The following XRCC5 variants were observed in gnomAD, a reference collection of about 807,000 sequenced individuals.
XRCC5 encodes DNA repair protein Ku80.
XRCC5 carries 12 observed loss-of-function variants against 95.7 expected under a neutral mutation model. The ratio of observed to expected loss-of-function variants is 0.13; its 90% CI spans 0.08 to 0.20. The LOEUF is 0.20. Ranked by LOEUF, XRCC5 falls within the 10% of genes least tolerant of loss-of-function variation. The pLI, the probability that XRCC5 is intolerant of heterozygous loss-of-function variation, is 1.00. For synonymous variants in XRCC5, 281 were observed against 290.3 expected (o/e 0.97, Z 0.33); for missense variants, 595 against 873.9 (o/e 0.68, Z 4.02).
rs1282629132 is a variant in XRCC5, at chr2:216,132,320, T to C, written c.1051-5T>C. The C allele has an allele frequency of 2.5e-6, 4 of 1,613,610 alleles. No homozygotes were observed. Among genetic ancestry groups the C allele is most frequent in the Non-Finnish European group, 3.4e-6 (4 of 1,179,546 alleles). The stretch of plus-strand genomic sequence containing the variant: ...ATCAAAAGCAATTCTTTTCCTCTCT[T>C]GTAGGTTCAGAGAAGATTCTTCATG... On this transcript the variant is annotated splice_region_variant and splice_polypyrimidine_tract_variant and intron_variant, in intron 9 of 20. Coordinates refer to ENST00000392132, the MANE Select transcript of XRCC5 (RefSeq NM_021141.4).
At chr2:216,201,467 A>G (rs964079393) in intron 19 of XRCC5, among the ~76,000 whole-genome samples, 1 of 152,060 alleles carries the variant, frequency 6.6e-6, no homozygotes, top group Admixed American at 6.6e-5. Flanking sequence ...TATAGAGGTT[A>G]TTGATTTCAT....
At chr2:216,190,441 T>A in intron 17 of XRCC5, 107 bp downstream of exon 17, 1 of 955,472 alleles carries the variant, frequency 1.0e-6, no homozygotes, top group Admixed American at 2.4e-5. Context: ...AAATTATCAT[T>A]CTCAATATGA....
chr2:216,192,241 A>G (rs761297623), intron 17 of XRCC5, among the ~76,000 whole-genome samples: 1 of 152,170 alleles, frequency 6.6e-6, no homozygotes, highest in African/African-American at 2.4e-5. Flanking sequence ...TGATCTGCCC[A>G]GCTCAGCCTC....
intron 1 of XRCC5, 75 bp from the exon 2 acceptor site, chr2:216,112,941 A>T: frequency 8.7e-7 from 1 of 1,153,560 alleles, no homozygotes; most frequent in Non-Finnish European, 1.3e-6. Context: ...TCATGAATAC[A>T]ATAAGCAAGG....
intron 10 of XRCC5, among the ~76,000 whole-genome samples, chr2:216,135,672 G>A (rs1394707954): frequency 6.6e-6 from 1 of 152,036 alleles, no homozygotes; most frequent in East Asian, 1.9e-4. Context: ...GGTGGCGCGT[G>A]CCTATAATTC....
chr2:216,137,209 T>C lies in XRCC5; in HGVS notation c.1235T>C (p.Ile412Thr), dbSNP rs746412781. ...NPQVGVAFPH[I>T]KHNYECLVYV... Reference sequence around the variant, plus strand: ...CAAGTCGGCGTGGCTTTTCCTCATATCAAGCATAACTATGAGGTAAAACCC... The same window carrying C: ...CAAGTCGGCGTGGCTTTTCCTCATACCAAGCATAACTATGAGGTAAAACCC... The change falls in exon 11 of 21, where the codon ATC (isoleucine) becomes ACC (threonine). Residue 412 changes from isoleucine (I) to threonine (T), a missense_variant. Coordinates refer to ENST00000392132, the MANE Select transcript of XRCC5 (RefSeq NM_021141.4). 3 of 1,613,514 alleles carry C rather than the reference T, an allele frequency of 1.9e-6. No individual in the cohort carries two copies. Among genetic ancestry groups the C allele is most frequent in the Non-Finnish European group, 2.5e-6 (3 of 1,179,654 alleles).
intron 16 of XRCC5, among the ~76,000 whole-genome samples, chr2:216,167,560 G>C (rs1181562263): frequency 7.0e-6 from 1 of 142,860 alleles, no homozygotes; most frequent in Admixed American, 7.3e-5. Flanking sequence ...TCTCGTGTGT[G>C]TGTGTGGGTT....
At chr2:216,170,419 G>C (rs574477782) in intron 16 of XRCC5, among the ~76,000 whole-genome samples, 1 of 152,158 alleles carries the variant, frequency 6.6e-6, no homozygotes, top group East Asian at 1.9e-4. Context: ...ATCATAACTA[G>C]ATGAGCCCAG....
chr2:216,164,784 G>A (rs997986251), intron 16 of XRCC5, among the ~76,000 whole-genome samples: 2 of 152,110 alleles, frequency 1.3e-5, no homozygotes, highest in African/African-American at 4.8e-5. Context: ...GTACAACTCT[G>A]GAAATGCCAG....
At chr2:216,164,824 A>G (rs892886435) in intron 16 of XRCC5, among the ~76,000 whole-genome samples, 1 of 141,364 alleles carries the variant, frequency 7.1e-6, no homozygotes. Context: ...GGAAACTGGC[A>G]GTTTGGTATC....
At chr2:216,151,834 A>G (rs1317521996) in intron 14 of XRCC5, among the ~76,000 whole-genome samples, 4 of 152,192 alleles carry the variant, frequency 2.6e-5, no homozygotes, top group African/African-American at 9.6e-5. Context: ...TCATGCTGCT[A>G]TAAAGAAATA....
At chr2:216,117,577 T>C (rs572918106) in intron 3 of XRCC5, 169 bp from the exon 4 acceptor site, 23 of 575,282 alleles carry the variant, frequency 4.0e-5, no homozygotes, top group African/African-American at 3.0e-4. Flanking sequence ...ATATATAGAA[T>C]GTATGAATAT....
chr2:216,143,595 T>C (rs1377431643), intron 13 of XRCC5, among the ~76,000 whole-genome samples: 1 of 152,194 alleles, frequency 6.6e-6, no homozygotes, highest in Non-Finnish European at 1.5e-5. Context: ...GTTTTTAATG[T>C]GGCTTATCTA....
At chr2:216,118,965 C>T (rs1696751981) in intron 4 of XRCC5, 78 bp from the exon 5 acceptor site, 4 of 1,483,216 alleles carry the variant, frequency 2.7e-6, no homozygotes, top group Non-Finnish European at 3.7e-6. Flanking sequence ...CTTCTCTCCT[C>T]AGTGACCAAG....
chr2:216,174,843 C>T (rs940138151), intron 16 of XRCC5: 4 of 235,532 alleles, frequency 1.7e-5, no homozygotes, highest in Non-Finnish European at 2.6e-5. Context: ...ACTTTTGTGA[C>T]AACTCCTTGT....
At chr2:216,110,579 C>T (rs1574447028) in intron 1 of XRCC5, 1 of 152,188 alleles carries the variant, frequency 6.6e-6, no homozygotes, top group East Asian at 1.9e-4. Flanking sequence ...TGCTATGCTA[C>T]CCGGTTTCTC....
intron 17 of XRCC5, 129 bp downstream of exon 17, chr2:216,190,463 T>C: frequency 3.0e-6 from 2 of 669,858 alleles, no homozygotes; most frequent in Non-Finnish European, 2.4e-6. Context: ...TAGCAGTGTA[T>C]GCCAGTGGAG....
At chr2:216,126,886 T>A (rs1439758551) in intron 7 of XRCC5, among the ~76,000 whole-genome samples, 1 of 152,154 alleles carries the variant, frequency 6.6e-6, no homozygotes, top group Non-Finnish European at 1.5e-5. Context: ...TTTGTTGATT[T>A]CTGACACAGA....
At chr2:216,117,062 A>G in intron 3 of XRCC5, 2 of 571,794 alleles carry the variant, frequency 3.5e-6, no homozygotes, top group African/African-American at 1.9e-5. Flanking sequence ...TGTTCTCTGC[A>G]TGGGTGATAC....
Sources: allele counts gnomAD v4.1 joint callset (sites outside exome capture counted in the v4.1 genomes callset), GRCh38; gene constraint gnomAD v4.1.1; transcripts MANE v1.5; gene names NCBI Gene and HGNC (gene_info 2026-07-23, HGNC 2026-07-21).